LONRF1: variants seen among roughly 807,000 people sequenced by gnomAD.
LONRF1 encodes the protein LON peptidase N-terminal domain and ring finger 1.
LONRF1 carries 37 observed loss-of-function variants against 85.8 expected under a neutral mutation model. That is an observed-to-expected ratio of 0.43 (90% CI 0.33 to 0.57). LONRF1 has a LOEUF of 0.57. LONRF1 is among the 20% of genes least tolerant of loss of function. The probability of loss-of-function intolerance (pLI) is 0.04; values close to 1 mark genes in which losing one functional copy is unlikely to be tolerated. For synonymous variants in LONRF1, 517 were observed against 390.1 expected (o/e 1.33, Z -3.83); for missense variants, 1,036 against 978.0 (o/e 1.06, Z -0.79).
intron 7 of LONRF1, among the ~76,000 whole-genome samples, chr8:12,732,771 C>G (rs1798575976): frequency 6.6e-6 from 1 of 152,110 alleles, no homozygotes; most frequent in Admixed American, 6.5e-5. Context: ...TGTAGTTAAA[C>G]TAAAAATTGC....
intron 8 of LONRF1, among the ~76,000 whole-genome samples, chr8:12,731,487 T>C (rs1447445714): frequency 6.6e-6 from 1 of 152,014 alleles, no homozygotes; most frequent in Non-Finnish European, 1.5e-5. Flanking sequence ...CTGATGGCAC[T>C]GTAGGAAATT....
At chr8:12,748,077 A>T (rs1338899289) in intron 1 of LONRF1, among the ~76,000 whole-genome samples, 1 of 152,142 alleles carries the variant, frequency 6.6e-6, no homozygotes, top group Non-Finnish European at 1.5e-5. Context: ...AAAATTTCCT[A>T]CTCTGCAATT....
intron 7 of LONRF1, among the ~76,000 whole-genome samples, chr8:12,732,679 C>T (rs1798572427): frequency 6.6e-6 from 1 of 152,098 alleles, no homozygotes; most frequent in Admixed American, 6.5e-5. Flanking sequence ...TTTTTTCTCT[C>T]CCAAGAACCC....
intron 3 of LONRF1, among the ~76,000 whole-genome samples, chr8:12,739,726 A>C (rs1351706681): frequency 6.6e-6 from 1 of 152,222 alleles, no homozygotes; most frequent in Non-Finnish European, 1.5e-5. Context: ...ACAAATAGTT[A>C]CAGAAATAGA....
chr8:12,735,673 TA>T (rs1378946191), intron 6 of LONRF1: 1 of 312,280 alleles, frequency 3.2e-6, no homozygotes, highest in African/African-American at 2.1e-5. Context: ...CTATGGCTAC[TA>T]ATCACTTGAA....
Position 12,754,953 on chromosome 8 carries a change from G to A in LONRF1, c.468C>T (p.Arg156=). ...CLRRELRARC[R]LCRDRLPPAT... The stretch of plus-strand genomic sequence containing the variant: ...CGGGCGGCAGCCGGTCCCGGCAGAG[G>A]CGGCAGCGGGCGCGGAGTTCCCTCC... Residue 156 remains arginine (R), a synonymous_variant, in exon 1 of 12, where the codon CGC becomes CGT. Coordinates refer to ENST00000398246, the MANE Select transcript of LONRF1 (RefSeq NM_152271.5). 6.7e-7 allele frequency: 1 copy of A among 1,490,202 alleles called. No individual in the cohort carries two copies. Among genetic ancestry groups the A allele is most frequent in the Non-Finnish European group, 8.9e-7 (1 of 1,125,322 alleles). The allele number at this position is 1,490,202 out of a possible 1,614,324, so 92.3% of individuals were successfully genotyped here. A position where few individuals can be genotyped will look rare whatever the true frequency, so the allele number is the denominator to read the frequency against.
At chr8:12,747,657 A>C (rs943046297) in intron 1 of LONRF1, among the ~76,000 whole-genome samples, 18 of 152,270 alleles carry the variant, frequency 1.2e-4, no homozygotes, top group Admixed American at 9.2e-4. Flanking sequence ...ATAAGGGACA[A>C]AAAGTAGATT....
At chr8:12,744,476 A>C (rs1323803424) in intron 1 of LONRF1, among the ~76,000 whole-genome samples, 2 of 152,342 alleles carry the variant, frequency 1.3e-5, no homozygotes, top group East Asian at 1.9e-4. Context: ...AACAAAATGC[A>C]TAAGAATTAA....
At chr8:12,740,158 G>A (rs997678697) in intron 3 of LONRF1, among the ~76,000 whole-genome samples, 1 of 152,152 alleles carries the variant, frequency 6.6e-6, no homozygotes, top group Non-Finnish European at 1.5e-5. Context: ...CATGTTTTGA[G>A]TATGTGCAGG....
intron 11 of LONRF1, among the ~76,000 whole-genome samples, chr8:12,724,790 T>C (rs1009128109): frequency 6.6e-6 from 1 of 152,218 alleles, no homozygotes; most frequent in Admixed American, 6.5e-5. Context: ...TTAAAACAAA[T>C]AGATGGCAAC....
chr8:12,726,850 CT>C (rs1798327142), intron 10 of LONRF1, among the ~76,000 whole-genome samples: 1 of 152,120 alleles, frequency 6.6e-6, no homozygotes, highest in African/African-American at 2.4e-5. Flanking sequence ...AAACTTTTTA[CT>C]TTTGAAAGAT....
At chr8:12,746,032 G>C (rs1799138884) in intron 1 of LONRF1, among the ~76,000 whole-genome samples, 1 of 151,988 alleles carries the variant, frequency 6.6e-6, no homozygotes, top group Non-Finnish European at 1.5e-5. Context: ...ATTTTTCATT[G>C]TATTCTCTAT....
At chr8:12,740,852 T>C in intron 3 of LONRF1, 22 bp downstream of exon 3, 1 of 1,611,946 alleles carries the variant, frequency 6.2e-7, no homozygotes, top group Non-Finnish European at 8.5e-7. Flanking sequence ...CCATGAACTG[T>C]AATTGTTGGT....
At chr8:12,751,296 G>GTTTTTTTTTTTTTGT (rs1799381007) in intron 1 of LONRF1, among the ~76,000 whole-genome samples, 4 of 69,558 alleles carry the variant, frequency 5.8e-5, no homozygotes, top group South Asian at 6.2e-4. Context: ...TTATTTTTAT[G>GTTTTTTTTTTTTTGT]TTTTTTTTTT....
rs1457184074 is a variant in LONRF1, at chr8:12,755,464, C to T, written c.-44G>A. 13 of 1,050,132 alleles carry T rather than the reference C, an allele frequency of 1.2e-5. No homozygotes were observed. Among genetic ancestry groups the T allele is most frequent in the Middle Eastern group, 4.1e-4 (1 of 2,432 alleles). 65.1% of individuals were successfully genotyped at this position (1,050,132 alleles called of 1,614,324 possible). ...CCGCCGCCGCCCGCCGCCACGGTCC[C>T]GGAGCCTCCCGGGCGCGCGGCTCCG... On this transcript the variant is annotated 5_prime_UTR_variant, in exon 1 of 12. Transcript: ENST00000398246.
rs1178291929 is a variant in LONRF1, at chr8:12,722,491, TAAG to T, written c.*602_*604del. The T allele has an allele frequency of 1.3e-5, 2 of 152,658 alleles. No homozygotes were observed. The highest frequency in any genetic ancestry group is 2.9e-5 in the Non-Finnish European group (2 of 68,044). 9.5% of individuals were successfully genotyped at this position (152,658 alleles called of 1,614,324 possible). A position where few individuals can be genotyped will look rare whatever the true frequency, so the allele number is the denominator to read the frequency against. ...ACTGTGATGCAAGTATTTACATAAA[TAAG>T]AAACTGTGTCATAGTCAATGGTCAA... On this transcript the variant is annotated 3_prime_UTR_variant, in exon 12 of 12. Transcript: ENST00000398246.
Position 12,723,089 on chromosome 8 carries a change from G to T in LONRF1, c.*7C>A. On this transcript the variant is annotated 3_prime_UTR_variant, in exon 12 of 12. Transcript: ENST00000398246. ...GGGTCACTTTAAAGGGAGATCCAAA[G>T]AGTTAGTTACTTAGATTGGTCTCTA... 1 of 1,606,360 alleles carries T rather than the reference G, an allele frequency of 6.2e-7. No homozygotes were observed. Among genetic ancestry groups the T allele is most frequent in the Non-Finnish European group, 8.5e-7 (1 of 1,176,106 alleles).
intron 1 of LONRF1, among the ~76,000 whole-genome samples, chr8:12,746,599 T>C (rs1281433621): frequency 1.3e-5 from 2 of 152,224 alleles, no homozygotes; most frequent in African/African-American, 4.8e-5. Context: ...GTAATCTCTG[T>C]ACTTTAATTT....
intron 2 of LONRF1, among the ~76,000 whole-genome samples, chr8:12,742,254 C>T (rs529301385): frequency 3.7e-4 from 56 of 152,270 alleles, no homozygotes; most frequent in African/African-American, 1.2e-3. Context: ...TTAGAGCAGC[C>T]TTACTACACT....
Sources: gnomAD v4.1 joint callset for allele counts (sites outside exome capture counted in the v4.1 genomes callset) on GRCh38, gnomAD v4.1.1 for gene constraint, MANE v1.5 for transcripts, NCBI Gene and HGNC (gene_info 2026-07-23, HGNC 2026-07-21) for gene names.